The following MEOX2 variants were observed in gnomAD, a reference collection of about 807,000 sequenced individuals.
The protein encoded by MEOX2 is homeobox protein MOX-2.
A neutral mutation model predicts 27.0 loss-of-function variants in MEOX2; 11 were observed. That is an observed-to-expected ratio of 0.41 (90% confidence interval 0.26 to 0.68). The LOEUF (loss-of-function observed/expected upper bound fraction) is 0.68. Among genes scored for constraint, MEOX2 ranks in the 30% least tolerant of loss-of-function variants. MEOX2 has a pLI of 0.33. For missense variants in MEOX2, 436 were observed against 385.4 expected (o/e 1.13, Z -1.10); for synonymous variants, 189 against 155.4 (o/e 1.22, Z -1.61).
intron 1 of MEOX2, among the ~76,000 whole-genome samples, chr7:15,666,727 G>A (rs187253350): frequency 1.7e-5 from 2 of 118,590 alleles, no homozygotes; most frequent in Non-Finnish European, 3.3e-5. Context: ...ACTCCAGCGT[G>A]GGCAACAGAG....
chr7:15,659,194 A>C (rs550648602), intron 1 of MEOX2, among the ~76,000 whole-genome samples: 1 of 152,244 alleles, frequency 6.6e-6, no homozygotes, highest in South Asian at 2.1e-4. Flanking sequence ...GTTTTTGTAG[A>C]GATGAAGCAG....
At chr7:15,656,588 G>C (rs1187058189) in intron 1 of MEOX2, among the ~76,000 whole-genome samples, 1 of 151,794 alleles carries the variant, frequency 6.6e-6, no homozygotes, top group Non-Finnish European at 1.5e-5. Context: ...TTTGAGTGAA[G>C]TGTAGAAACC....
chr7:15,633,103 G>A (rs1781426811), intron 1 of MEOX2, among the ~76,000 whole-genome samples: 2 of 151,892 alleles, frequency 1.3e-5, no homozygotes, highest in Admixed American at 1.3e-4. Context: ...ACCACATTAT[G>A]TCACTGTACG....
rs1781315004 is a variant in MEOX2 at position 15,626,762 on chromosome 7, T to C, written c.674A>G (p.Asp225Gly). 1.2e-6 allele frequency: 2 copies of C among 1,609,056 alleles called. No homozygotes were observed. The highest frequency in any genetic ancestry group is 4.5e-5 in the East Asian group (2 of 44,774). The change falls in exon 2 of 3, where the codon GAT becomes GGT. Residue 225 changes from aspartate to glycine, a missense_variant. Transcript: ENST00000262041. ...CAGCTTTACCTGTCTTTCAGTGAGATCCAGATTCACTGCTATCTCGTATCG... is the reference window on the plus strand; with the variant it reads ...CAGCTTTACCTGTCTTTCAGTGAGACCCAGATTCACTGCTATCTCGTATCG... The part of the protein sequence containing the change: ...LRRYEIAVNL[D>G]LTERQVKVWF...
rs552871909 is a variant in MEOX2 at position 15,621,766 on chromosome 7, A to C, written c.690+4980T>G. On this transcript the variant is annotated intron_variant, in intron 2 of 2. Coordinates refer to ENST00000262041, the MANE Select transcript of MEOX2 (RefSeq NM_005924.5). Reference sequence around the variant, plus strand: ...CAATTTCCACATGACAATATGTCTAAAGACTAGTTCTGATTGTAAAGTAAG... The same window carrying C: ...CAATTTCCACATGACAATATGTCTACAGACTAGTTCTGATTGTAAAGTAAG... Among the ~76,000 whole-genome samples, 85 of 152,306 alleles carry C rather than the reference A, an allele frequency of 5.6e-4. 1 individual carries two copies. The highest frequency in any genetic ancestry group is 1.9e-3 in the African/African-American group (81 of 41,572).
At chr7:15,621,611 A>G (rs1027890339) in intron 2 of MEOX2, among the ~76,000 whole-genome samples, 4 of 152,194 alleles carry the variant, frequency 2.6e-5, no homozygotes, top group Non-Finnish European at 4.4e-5. Flanking sequence ...TATTATTGCA[A>G]ATCTTCATGA....
At chr7:15,664,600 T>C (rs1435733491) in intron 1 of MEOX2, among the ~76,000 whole-genome samples, 3 of 152,178 alleles carry the variant, frequency 2.0e-5, no homozygotes, top group Non-Finnish European at 4.4e-5. Context: ...AAGTAGAATA[T>C]GAAATAATTT....
chr7:15,657,790 C>T (rs2115381397), intron 1 of MEOX2, among the ~76,000 whole-genome samples: 1 of 152,244 alleles, frequency 6.6e-6, no homozygotes, highest in South Asian at 2.1e-4. Flanking sequence ...GATTTTTTAA[C>T]TGAAACCTGG....
intron 2 of MEOX2, among the ~76,000 whole-genome samples, chr7:15,619,915 C>T (rs559976538): frequency 1.3e-5 from 2 of 152,064 alleles, no homozygotes; most frequent in East Asian, 3.9e-4. Context: ...TAGGTTAAAA[C>T]ATTGTTTGCA....
chr7:15,671,924 C>G (rs544405314), intron 1 of MEOX2, among the ~76,000 whole-genome samples: 17 of 151,706 alleles, frequency 1.1e-4, no homozygotes, highest in African/African-American at 3.9e-4. Flanking sequence ...CTCTACTAAT[C>G]TCTACTAATA....
At chr7:15,657,638 A>C (rs2115381301) in intron 1 of MEOX2, among the ~76,000 whole-genome samples, 1 of 152,290 alleles carries the variant, frequency 6.6e-6, no homozygotes, top group East Asian at 1.9e-4. Context: ...AATCATTGAA[A>C]AGATTTTATG....
chr7:15,623,623 G>A lies in MEOX2; in HGVS notation c.690+3123C>T, dbSNP rs1352418928. Among the ~76,000 whole-genome samples, 3 of 152,138 alleles carry A rather than the reference G, an allele frequency of 2.0e-5. No homozygotes were observed. The East Asian group carries it at 5.8e-4, about 29-fold the overall frequency. On this transcript the variant is annotated intron_variant, in intron 2 of 2. Transcript: ENST00000262041. ...GACCTCAAGTGACCTGCCTGCCTTG[G>A]CTTCCCAAAGTGCTGGGACAAGTAC...
chr7:15,667,815 G>A (rs1313208357), intron 1 of MEOX2: 1 of 152,152 alleles, frequency 6.6e-6, no homozygotes, highest in Non-Finnish European at 1.5e-5. Context: ...TATTAGAAGT[G>A]TAGAGAAAAT....
intron 1 of MEOX2, among the ~76,000 whole-genome samples, chr7:15,632,317 T>G (rs149980982): frequency 4.5e-4 from 69 of 151,992 alleles, no homozygotes; most frequent in African/African-American, 1.6e-3. Context: ...CATCAATATA[T>G]GAATTCAGTT....
rs574610145 is a variant in MEOX2 at position 15,612,063 on chromosome 7, A to T, written c.*324T>A. The T allele has an allele frequency of 3.2e-6, 1 of 314,730 alleles. No homozygotes were observed. The highest frequency in any genetic ancestry group is 2.1e-5 in the African/African-American group (1 of 47,824). 19.5% of individuals were successfully genotyped at this position (314,730 alleles called of 1,614,324 possible). A position where few individuals can be genotyped will look rare whatever the true frequency, so the allele number is the denominator to read the frequency against. On this transcript the variant is annotated 3_prime_UTR_variant, in exon 3 of 3. Coordinates refer to ENST00000262041, the MANE Select transcript of MEOX2 (RefSeq NM_005924.5). ...ACTCTGGAGACATCTTGAATAAAAA[A>T]CCGTTCATAGTTTGCTCTTGATAGC...
chr7:15,611,477 T>A lies in MEOX2; in HGVS notation c.*910A>T, dbSNP rs1190985838. The stretch of plus-strand genomic sequence containing the variant: ...ATTTTACAGAAATAAAATAAGACAA[T>A]GTCTGTCATACAAAGCTCTTTCTGC... On this transcript the variant is annotated 3_prime_UTR_variant, in exon 3 of 3. Transcript: ENST00000262041. 6.6e-6 allele frequency: 1 copy of A among 152,636 alleles called. No individual in the cohort carries two copies. The highest frequency in any genetic ancestry group is 1.5e-5 in the Non-Finnish European group (1 of 68,028). 9.5% of individuals were successfully genotyped at this position (152,636 alleles called of 1,614,324 possible). A position where few individuals can be genotyped will look rare whatever the true frequency, so the allele number is the denominator to read the frequency against.
At chr7:15,627,051 G>A in intron 1 of MEOX2, 133 bp from the exon 2 acceptor site, 2 of 755,290 alleles carry the variant, frequency 2.6e-6, no homozygotes, top group Non-Finnish European at 4.1e-6. Context: ...ACCAAAGACA[G>A]CAAGACTGAC....
At chr7:15,638,464 A>C (rs576776930) in intron 1 of MEOX2, among the ~76,000 whole-genome samples, 1 of 152,082 alleles carries the variant, frequency 6.6e-6, no homozygotes, top group African/African-American at 2.4e-5. Flanking sequence ...TAATTCATGC[A>C]AATTTTGTGC....
intron 1 of MEOX2, among the ~76,000 whole-genome samples, chr7:15,648,355 A>T (rs1229353237): frequency 6.6e-6 from 1 of 152,134 alleles, no homozygotes; most frequent in Non-Finnish European, 1.5e-5. Context: ...ATTGTAACCA[A>T]CTATACATAA....
Sources: allele counts gnomAD v4.1 joint callset (sites outside exome capture counted in the v4.1 genomes callset), GRCh38; gene constraint gnomAD v4.1.1; transcripts MANE v1.5; gene names NCBI Gene and HGNC (gene_info 2026-07-23, HGNC 2026-07-21).